OTOGL: variants seen among roughly 807,000 people sequenced by gnomAD.
OTOGL encodes otogelin like.
In OTOGL, 285 loss-of-function variants were observed where a neutral mutation model predicts 318.5. The ratio of observed to expected loss-of-function variants is 0.89; its 90% CI spans 0.81 to 0.99. The LOEUF is 0.99. Ranked by LOEUF, OTOGL falls within the 50% of genes least tolerant of loss-of-function variation. The pLI is 0.00. For missense variants in OTOGL, 2,899 were observed against 2,845.6 expected (o/e 1.02, Z -0.43); for synonymous variants, 987 against 936.5 (o/e 1.05, Z -0.99).
At chr12:80,147,873 GCAACCC>G (rs1315812432) in intron 1 of OTOGL, among the ~76,000 whole-genome samples, 7 of 152,012 alleles carry the variant, frequency 4.6e-5, no homozygotes, top group Non-Finnish European at 7.4e-5. Flanking sequence ...GACTAGGATT[GCAACCC>G]CTGCCTTTTT....
chr12:80,379,584 T>TAC lies in OTOGL; in HGVS notation c.*1537_*1538insCA, dbSNP rs1254028475. Reference sequence around the variant, plus strand: ...TCTCTGATTCCTATTAACATATAGATATATAAAATTAAATGTTTTTGGTTA... The same window carrying TAC: ...TCTCTGATTCCTATTAACATATAGATACATATAAAATTAAATGTTTTTGGTTA... On this transcript the variant is annotated 3_prime_UTR_variant, in exon 59 of 59. Transcript: ENST00000547103. The TAC allele has an allele frequency of 6.6e-6, 1 of 151,102 alleles. No homozygotes were observed. Among genetic ancestry groups the TAC allele is most frequent in the East Asian group, 1.9e-4 (1 of 5,164 alleles). The allele number at this position is 151,102 out of a possible 1,614,324, so 9.4% of individuals were successfully genotyped here.
At chr12:80,228,032 T>C (rs968439807) in intron 7 of OTOGL, among the ~76,000 whole-genome samples, 1 of 152,222 alleles carries the variant, frequency 6.6e-6, no homozygotes, top group Non-Finnish European at 1.5e-5. Context: ...TTGTCCGCTC[T>C]GTTGACTGCT....
intron 35 of OTOGL, among the ~76,000 whole-genome samples, chr12:80,327,958 CAAAAAAAAAAA>C (rs397687373): frequency 9.7e-5 from 3 of 30,926 alleles, no homozygotes; most frequent in African/African-American, 3.7e-4. Flanking sequence ...GACTCTGTCT[CAAAAAAAAAAA>C]AAAAAAAAAA....
intron 1 of OTOGL, among the ~76,000 whole-genome samples, chr12:80,163,808 A>G (rs1007725617): frequency 6.6e-5 from 10 of 152,208 alleles, no homozygotes; most frequent in Non-Finnish European, 1.0e-4. Flanking sequence ...AACTGTTGCA[A>G]GCATTTTCCA....
At chr12:80,137,517 G>A (rs1871654130) in intron 1 of OTOGL, among the ~76,000 whole-genome samples, 3 of 152,056 alleles carry the variant, frequency 2.0e-5, no homozygotes, top group Admixed American at 2.0e-4. Flanking sequence ...CACTAATTTG[G>A]ATGTTTTATC....
chr12:80,345,642 T>C (rs1269082020), intron 44 of OTOGL, among the ~76,000 whole-genome samples: 1 of 152,088 alleles, frequency 6.6e-6, no homozygotes, highest in East Asian at 1.9e-4. Context: ...ATTTTAACAG[T>C]AATGGTCAAG....
At chr12:80,329,226 T>C in intron 37 of OTOGL, 107 bp downstream of exon 37, 3 of 857,958 alleles carry the variant, frequency 3.5e-6, no homozygotes, top group East Asian at 6.5e-5. Context: ...ATACTACCTA[T>C]GGGCTAGGAA....
At chr12:80,366,170 T>A (rs1276966037) in intron 52 of OTOGL, 2 of 213,840 alleles carry the variant, frequency 9.4e-6, no homozygotes, top group Non-Finnish European at 2.0e-5. Flanking sequence ...AGTTAGTAAG[T>A]TATGGAGCCA....
intron 14 of OTOGL, 46 bp downstream of exon 14, chr12:80,253,620 T>C (rs754480286): frequency 2.1e-6 from 3 of 1,446,660 alleles, no homozygotes; most frequent in East Asian, 4.6e-5. Flanking sequence ...ACTTGGCTAG[T>C]TGACAACTTT....
intron 5 of OTOGL, among the ~76,000 whole-genome samples, 195 bp from the exon 6 acceptor site, chr12:80,219,619 C>T (rs1878098199): frequency 6.6e-6 from 1 of 152,174 alleles, no homozygotes. Context: ...GCCTTTCTTG[C>T]TTCACAGCAC....
At chr12:80,180,160 GC>G in intron 1 of OTOGL, among the ~76,000 whole-genome samples, 1 of 117,010 alleles carries the variant, frequency 8.5e-6, no homozygotes, top group Admixed American at 1.0e-4. Context: ...AGGGTCATAG[GC>G]TCTGGGCCTA....
At chr12:80,357,288 A>G (rs984658453) in intron 49 of OTOGL, among the ~76,000 whole-genome samples, 1 of 152,202 alleles carries the variant, frequency 6.6e-6, no homozygotes, top group Non-Finnish European at 1.5e-5. Context: ...TGTCCTGTAT[A>G]TCATGTTTGA....
intron 1 of OTOGL, among the ~76,000 whole-genome samples, chr12:80,155,107 T>C (rs1169548166): frequency 6.6e-6 from 1 of 152,212 alleles, no homozygotes; most frequent in Non-Finnish European, 1.5e-5. Flanking sequence ...TTAAGGTCTT[T>C]GGCGCATTTA....
chr12:80,275,571 GTAGGGTT>G (rs1333132049), intron 24 of OTOGL, among the ~76,000 whole-genome samples: 1 of 151,936 alleles, frequency 6.6e-6, no homozygotes, highest in African/African-American at 2.4e-5. Flanking sequence ...TAAAGCAGTG[GTAGGGTT>G]TAAGACGACT....
intron 1 of OTOGL, among the ~76,000 whole-genome samples, chr12:80,121,988 A>G (rs151149399): frequency 6.4e-4 from 98 of 152,312 alleles, no homozygotes; most frequent in African/African-American, 2.3e-3. Context: ...CACGAGAAAG[A>G]GATGAGTGCA....
Position 80,124,712 on chromosome 12 carries a change from C to A in OTOGL, c.-20+25107C>A, listed in dbSNP as rs374260788. Among the ~76,000 whole-genome samples the A allele has an allele frequency of 1.6e-3, 238 of 152,024 alleles. 7 individuals carry two copies. The East Asian group carries it at 0.04, about 25-fold the overall frequency. ...ATTTGTTTGTATCCTCTTTTATTTC[C>A]TTGAGCAGTGGTTTGTAGTTCTCCT... On this transcript the variant is annotated intron_variant, in intron 1 of 58. Transcript: ENST00000547103.
At chr12:80,236,639 T>C (rs1879872558) in intron 9 of OTOGL, among the ~76,000 whole-genome samples, 1 of 152,156 alleles carries the variant, frequency 6.6e-6, no homozygotes, top group Non-Finnish European at 1.5e-5. Flanking sequence ...ACTATAAGTG[T>C]ACTTAAAAAG....
intron 24 of OTOGL, among the ~76,000 whole-genome samples, chr12:80,275,269 GA>G (rs1883713638): frequency 1.3e-5 from 2 of 151,914 alleles, no homozygotes; most frequent in African/African-American, 4.8e-5. Context: ...ACAGGAGTTT[GA>G]AAAAAGTTTA....
chr12:80,342,255 A>G (rs747679141), intron 44 of OTOGL, 93 bp downstream of exon 44: 26 of 987,346 alleles, frequency 2.6e-5, no homozygotes, highest in Non-Finnish European at 3.7e-5. Context: ...ATGTTCTTCT[A>G]CTGAGAACAA....
Sources: allele counts gnomAD v4.1 joint callset (sites outside exome capture counted in the v4.1 genomes callset), GRCh38; gene constraint gnomAD v4.1.1; transcripts MANE v1.5; gene names NCBI Gene and HGNC (gene_info 2026-07-23, HGNC 2026-07-21).